NIPBL: variants seen among roughly 807,000 people sequenced by gnomAD.
NIPBL encodes nipped-B-like protein.
Under a neutral mutation model 321.8 loss-of-function variants are expected in NIPBL, and 19 were observed. The observed-to-expected ratio is 0.06, with a 90% CI of 0.04 to 0.09. NIPBL has a LOEUF of 0.09. Among genes scored for constraint, NIPBL ranks in the 10% least tolerant of loss-of-function variants. The pLI, the probability that NIPBL is intolerant of heterozygous loss-of-function variation, is 1.00. For synonymous variants in NIPBL, 1,106 were observed against 1,114.1 expected (o/e 0.99, Z 0.14); for missense variants, 2,210 against 3,327.0 (o/e 0.66, Z 8.26).
At chr5:37,027,327 C>G in intron 31 of NIPBL, 32 bp from the exon 32 acceptor site, 9 of 1,521,566 alleles carry the variant, frequency 5.9e-6, no homozygotes, top group Non-Finnish European at 7.3e-6. Context: ...TATAAATATA[C>G]TTCTAACTTT....
At position 37,016,420 on chromosome 5, in the gene NIPBL, A is replaced by G. The variant is rs391366; in HGVS notation, c.4776+250A>G. Among the ~76,000 whole-genome samples the G allele has an allele frequency of 0.044, 6,609 of 151,706 alleles. 490 individuals carry two copies. The highest frequency in any genetic ancestry group is 0.15 in the African/African-American group (6,248 of 41,342). ...CTTTAACAATTTTTTTTTTTTTGGA[A>G]ATGTTATATTGTTAAAAGCATCTCA... On this transcript the variant is annotated intron_variant, in intron 23 of 46. Transcript: ENST00000282516.
At chr5:37,016,280 C>G (rs940790191) in intron 23 of NIPBL, 110 bp downstream of exon 23, 15 of 1,102,070 alleles carry the variant, frequency 1.4e-5, no homozygotes, top group Middle Eastern at 2.1e-4. Context: ...GAAATATGAA[C>G]ATTGCATCTC....
At chr5:36,994,786 A>G (rs1745941189) in intron 10 of NIPBL, among the ~76,000 whole-genome samples, 1 of 152,058 alleles carries the variant, frequency 6.6e-6, no homozygotes. Context: ...TTATTTCTTC[A>G]TAAGAACTAT....
At position 36,979,017 on chromosome 5, in the gene NIPBL, A is replaced by G. The variant is rs1743841557; in HGVS notation, c.1495+2615A>G. ...CTTGCAGTGTAGTTTGAAGTTTCCT[A>G]ATATGATGCCACCAGCTTTATTCTT... On this transcript the variant is annotated intron_variant, in intron 9 of 46. Coordinates refer to ENST00000282516, the MANE Select transcript of NIPBL (RefSeq NM_133433.4). Among the ~76,000 whole-genome samples the G allele has an allele frequency of 2.0e-5, 3 of 151,908 alleles. No individual in the cohort carries two copies. The South Asian group carries it at 6.2e-4, about 31-fold the overall frequency.
intron 22 of NIPBL, among the ~76,000 whole-genome samples, chr5:37,015,139 A>G (rs62354966): frequency 1.1e-4 from 16 of 150,236 alleles, no homozygotes; most frequent in Admixed American, 7.9e-4. Flanking sequence ...TTTTTTTTTA[A>G]TGAGACAGAG....
chr5:36,923,220 C>T (rs1178485187), intron 1 of NIPBL, among the ~76,000 whole-genome samples: 2 of 151,958 alleles, frequency 1.3e-5, no homozygotes, highest in Non-Finnish European at 2.9e-5. Flanking sequence ...GCAGGAGAAT[C>T]GCTTGAACCC....
chr5:36,912,092 T>C (rs1748093213), intron 1 of NIPBL, among the ~76,000 whole-genome samples: 3 of 152,214 alleles, frequency 2.0e-5, no homozygotes, highest in Admixed American at 6.5e-5. Context: ...ATTAGGTTAT[T>C]GCAAGAATCT....
rs587783943 is a variant in NIPBL, at chr5:37,008,001, T to A, written c.4240-7T>A. ...GTGTATACTACTTACTCTTCTTTTT[T>A]AAACAGGTTTCATCTATGGGAATAA... On this transcript the variant is annotated splice_polypyrimidine_tract_variant and splice_region_variant and intron_variant, in intron 18 of 46. Coordinates refer to ENST00000282516, the MANE Select transcript of NIPBL (RefSeq NM_133433.4). The A allele has an allele frequency of 1.9e-6, 3 of 1,568,822 alleles. No individual in the cohort carries two copies. Among genetic ancestry groups the A allele is most frequent in the Non-Finnish European group, 2.6e-6 (3 of 1,139,094 alleles).
chr5:36,920,235 G>A (rs763452571), intron 1 of NIPBL, among the ~76,000 whole-genome samples: 11 of 152,090 alleles, frequency 7.2e-5, no homozygotes, highest in Admixed American at 2.6e-4. Context: ...AACTTGTAAC[G>A]CATTTAGATT....
At chr5:37,021,747 C>A (rs1561171474) in intron 27 of NIPBL, among the ~76,000 whole-genome samples, 1 of 152,168 alleles carries the variant, frequency 6.6e-6, no homozygotes, top group Non-Finnish European at 1.5e-5. Context: ...TACTAAATAT[C>A]TTTGATTCAA....
chr5:36,966,682 CGAT>C (rs770662820), intron 6 of NIPBL, among the ~76,000 whole-genome samples: 15 of 151,902 alleles, frequency 9.9e-5, no homozygotes, highest in African/African-American at 2.9e-4. Context: ...ATTGGAAAAA[CGAT>C]GATTTTTTAA....
chr5:36,950,772 T>C (rs1371177833), intron 1 of NIPBL, among the ~76,000 whole-genome samples: 2 of 152,126 alleles, frequency 1.3e-5, no homozygotes, highest in Non-Finnish European at 2.9e-5. Context: ...TCCAAAACAT[T>C]ATTCAATCCA....
intron 6 of NIPBL, among the ~76,000 whole-genome samples, chr5:36,962,935 C>G (rs1331722810): frequency 6.6e-6 from 1 of 151,978 alleles, no homozygotes; most frequent in Non-Finnish European, 1.5e-5. Flanking sequence ...GGTATTGGAA[C>G]CAATCCCTCA....
chr5:37,009,186 C>T (rs1747793606), intron 20 of NIPBL, among the ~76,000 whole-genome samples: 1 of 150,744 alleles, frequency 6.6e-6, no homozygotes, highest in Non-Finnish European at 1.5e-5. Context: ...AAATATGGCT[C>T]AAAATAATCA....
At chr5:36,934,195 T>C (rs1749989966) in intron 1 of NIPBL, among the ~76,000 whole-genome samples, 1 of 152,128 alleles carries the variant, frequency 6.6e-6, no homozygotes, top group Non-Finnish European at 1.5e-5. Flanking sequence ...AGTGTTATAT[T>C]TTATTTCAAC....
chr5:37,048,604 T>C lies in NIPBL; in HGVS notation c.6692T>C (p.Ile2231Thr), dbSNP rs1177605864. Residue 2231 changes from isoleucine (I) to threonine (T), a missense_variant, in exon 39 of 47, where the codon ATA (isoleucine) becomes ACA (threonine). Ile to Thr is a moderately conservative substitution (Grantham distance 89). Coordinates refer to ENST00000282516, the MANE Select transcript of NIPBL (RefSeq NM_133433.4). The stretch of plus-strand genomic sequence containing the variant: ...AAGAACTCCTCAGTCAATTTAAAAA[T>C]ACAAGTGTTAAAAAACCTCCAGACC... ...SDKNSSVNLK[I>T]QVLKNLQTYL... The C allele has an allele frequency of 6.2e-7, 1 of 1,606,258 alleles. No homozygotes were observed. Among genetic ancestry groups the C allele is most frequent in the African/African-American group, 1.3e-5 (1 of 74,858 alleles).
intron 40 of NIPBL, 62 bp from the exon 41 acceptor site, chr5:37,051,717 A>C: frequency 8.9e-7 from 1 of 1,126,770 alleles, no homozygotes; most frequent in East Asian, 2.4e-5. Context: ...AAGTTTTGAC[A>C]TATGTCTAAA....
chr5:37,056,651 T>C (rs904117232), intron 42 of NIPBL, among the ~76,000 whole-genome samples: 2 of 152,196 alleles, frequency 1.3e-5, no homozygotes, highest in Non-Finnish European at 2.9e-5. Flanking sequence ...TTTTAACCTA[T>C]GTATTAGTAC....
At chr5:36,913,794 C>A (rs56065778) in intron 1 of NIPBL, among the ~76,000 whole-genome samples, 2,660 of 152,316 alleles carry the variant, frequency 0.017, 32 homozygotes, top group Middle Eastern at 0.041. Flanking sequence ...AAATCGCATT[C>A]ACTGTATAGC....
Sources: gnomAD v4.1 joint callset for allele counts (sites outside exome capture counted in the v4.1 genomes callset) on GRCh38, gnomAD v4.1.1 for gene constraint, MANE v1.5 for transcripts, NCBI Gene and HGNC (gene_info 2026-07-23, HGNC 2026-07-21) for gene names.